Variants in TSPAN5 observed in about 807,000 individuals in gnomAD.
TSPAN5 encodes tetraspanin 5.
In TSPAN5, 10 loss-of-function variants were observed where a neutral mutation model predicts 37.1. The ratio of observed to expected loss-of-function variants is 0.27; its 90% CI spans 0.17 to 0.46. TSPAN5 has a LOEUF of 0.46. Among genes scored for constraint, TSPAN5 ranks in the 20% least tolerant of loss-of-function variants. TSPAN5 has a pLI of 1.00. For missense variants in TSPAN5, 195 were observed against 326.6 expected (o/e 0.60, Z 3.11); for synonymous variants, 110 against 118.9 (o/e 0.93, Z 0.48).
intron 1 of TSPAN5, among the ~76,000 whole-genome samples, chr4:98,657,248 T>C (rs1757311938): frequency 6.6e-6 from 1 of 152,184 alleles, no homozygotes; most frequent in African/African-American, 2.4e-5. Context: ...CCCAGCCTAA[T>C]TACAATAGGT....
chr4:98,643,140 A>G (rs932662670), intron 1 of TSPAN5, among the ~76,000 whole-genome samples: 7 of 152,274 alleles, frequency 4.6e-5, no homozygotes, highest in Non-Finnish European at 7.4e-5. Flanking sequence ...ACATTGGTGT[A>G]CCACTTTTTT....
chr4:98,630,519 A>C (rs141229432), intron 1 of TSPAN5, among the ~76,000 whole-genome samples: 64 of 152,322 alleles, frequency 4.2e-4, no homozygotes, highest in African/African-American at 1.5e-3. Context: ...CGAGGCACGC[A>C]TATTCCCTAA....
rs577846240 is a variant in TSPAN5, at chr4:98,658,031, T to C, written c.81+115A>G. 3 of 907,010 alleles carry C rather than the reference T, an allele frequency of 3.3e-6. No homozygotes were observed. In the East Asian group the frequency reaches 7.2e-5, roughly 22 times the overall value. The allele number at this position is 907,010 out of a possible 1,614,324, so 56.2% of individuals were successfully genotyped here. On this transcript the variant is annotated intron_variant, in intron 1 of 7. Coordinates refer to ENST00000305798, the MANE Select transcript of TSPAN5 (RefSeq NM_005723.4). Reference sequence around the variant, plus strand: ...AGGCGGAAGGCGAATGCCTCTATGCTGCTCCGGCAAGCGCCTGCGGGGCTG... The same window carrying C: ...AGGCGGAAGGCGAATGCCTCTATGCCGCTCCGGCAAGCGCCTGCGGGGCTG...
intron 1 of TSPAN5, among the ~76,000 whole-genome samples, chr4:98,530,145 A>C (rs553163902): frequency 1.3e-5 from 2 of 152,314 alleles, no homozygotes; most frequent in South Asian, 4.1e-4. Context: ...CCATCACCTG[A>C]CTGGGTAGGC....
rs771044993 is a variant in TSPAN5 at position 98,583,689 on chromosome 4, C to T, written c.81+74457G>A. ...AACTCCTGCTCATCACTTCACTACA[C>T]GGCCTTGGCCATGCTGCTGATCTTC... On this transcript the variant is annotated intron_variant, in intron 1 of 7. Coordinates refer to ENST00000305798, the MANE Select transcript of TSPAN5 (RefSeq NM_005723.4). Among the ~76,000 whole-genome samples, 212 of 152,346 alleles carry T rather than the reference C, an allele frequency of 1.4e-3. 1 individual carries two copies. The highest frequency in any genetic ancestry group is 1.9e-3 in the Non-Finnish European group (126 of 68,026).
intron 1 of TSPAN5, among the ~76,000 whole-genome samples, chr4:98,610,388 G>A (rs963362648): frequency 1.3e-5 from 2 of 152,164 alleles, no homozygotes; most frequent in Non-Finnish European, 2.9e-5. Flanking sequence ...CTCTTTGGGG[G>A]ACACATTCAA....
At chr4:98,563,949 C>T (rs544056836) in intron 1 of TSPAN5, among the ~76,000 whole-genome samples, 11 of 152,266 alleles carry the variant, frequency 7.2e-5, no homozygotes, top group Admixed American at 6.5e-4. Flanking sequence ...TGGCCCACTA[C>T]GTCAACAGTG....
At chr4:98,517,753 T>C (rs1275032976) in intron 1 of TSPAN5, among the ~76,000 whole-genome samples, 2 of 152,140 alleles carry the variant, frequency 1.3e-5, no homozygotes, top group African/African-American at 2.4e-5. Context: ...CCATCCTCTT[T>C]TGGATGGAAA....
chr4:98,485,269 G>C (rs1752935455), intron 3 of TSPAN5: 1 of 152,696 alleles, frequency 6.5e-6, no homozygotes, highest in South Asian at 2.1e-4. Context: ...AAGCCAAGAA[G>C]ACTGGCAGGT....
chr4:98,556,037 A>ACCCCCCCCCC (rs374997947), intron 1 of TSPAN5, among the ~76,000 whole-genome samples: 1 of 63,400 alleles, frequency 1.6e-5, no homozygotes, highest in African/African-American at 7.9e-5. Context: ...CACACACAGC[A>ACCCCCCCCCC]CCCCCACACA....
At chr4:98,474,841 T>A (rs1198167517) in intron 7 of TSPAN5, among the ~76,000 whole-genome samples, 2 of 151,992 alleles carry the variant, frequency 1.3e-5, no homozygotes, top group Non-Finnish European at 2.9e-5. Flanking sequence ...ATTTGGCTAA[T>A]TTTTTTATTT....
intron 1 of TSPAN5, among the ~76,000 whole-genome samples, chr4:98,592,437 T>TTG (rs1755667196): frequency 6.7e-6 from 1 of 148,578 alleles, no homozygotes; most frequent in Non-Finnish European, 1.5e-5. Context: ...TGTTTTTTTT[T>TTG]TTTTTTTTTT....
chr4:98,603,247 T>TC (rs1379312057), intron 1 of TSPAN5, among the ~76,000 whole-genome samples: 4 of 152,168 alleles, frequency 2.6e-5, no homozygotes, highest in South Asian at 4.2e-4. Context: ...TCCTTTAGAC[T>TC]CCCCCCTACC....
Position 98,635,084 on chromosome 4 carries a change from C to T in TSPAN5, c.81+23062G>A, listed in dbSNP as rs140679231. ...TCGCCCCAGTCTCCACCATCAGCTG[C>T]CTGCTCCTGCACCTGCATATCTTTC... On this transcript the variant is annotated intron_variant, in intron 1 of 7. Coordinates refer to ENST00000305798, the MANE Select transcript of TSPAN5 (RefSeq NM_005723.4). 1.6e-3 allele frequency among the ~76,000 whole-genome samples: 240 copies of T among 152,310 alleles called. 1 individual carries two copies. Among genetic ancestry groups the T allele is most frequent in the African/African-American group, 5.5e-3 (230 of 41,560 alleles).
At chr4:98,555,893 A>G (rs1443611713) in intron 1 of TSPAN5, among the ~76,000 whole-genome samples, 3 of 152,150 alleles carry the variant, frequency 2.0e-5, no homozygotes, top group Non-Finnish European at 4.4e-5. Flanking sequence ...CACTGTTAGG[A>G]TATCCTTAGC....
chr4:98,476,512 C>A (rs1192228374), intron 5 of TSPAN5, 52 bp from the exon 6 acceptor site: 4 of 1,578,942 alleles, frequency 2.5e-6, no homozygotes, highest in Non-Finnish European at 3.5e-6. Flanking sequence ...GACAGAAAGC[C>A]CACCTAGAAA....
intron 2 of TSPAN5, among the ~76,000 whole-genome samples, chr4:98,506,356 C>T (rs999573310): frequency 1.3e-5 from 2 of 152,214 alleles, no homozygotes; most frequent in Non-Finnish European, 2.9e-5. Context: ...CTTAATTTGT[C>T]TCCCCTCATA....
At chr4:98,649,406 G>T (rs1311448184) in intron 1 of TSPAN5, among the ~76,000 whole-genome samples, 1 of 152,158 alleles carries the variant, frequency 6.6e-6, no homozygotes, top group Admixed American at 6.5e-5. Flanking sequence ...TAATTAACTG[G>T]AGGGTTAGGG....
At chr4:98,637,922 T>C (rs1330538905) in intron 1 of TSPAN5, among the ~76,000 whole-genome samples, 8 of 151,960 alleles carry the variant, frequency 5.3e-5, no homozygotes, top group Admixed American at 5.2e-4. Context: ...TGCTGAAAGG[T>C]GAAAAGAAAA....
Sources: gnomAD v4.1 joint callset for allele counts (sites outside exome capture counted in the v4.1 genomes callset) on GRCh38, gnomAD v4.1.1 for gene constraint, MANE v1.5 for transcripts, NCBI Gene and HGNC (gene_info 2026-07-23, HGNC 2026-07-21) for gene names.